NTM: variants seen among roughly 807,000 people sequenced by gnomAD.
NTM encodes neurotrimin.
A neutral mutation model predicts 42.1 loss-of-function variants in NTM; 13 were observed. That is an observed-to-expected ratio of 0.31 (90% CI 0.20 to 0.49). NTM has a LOEUF of 0.49. Among genes scored for constraint, NTM ranks in the 20% least tolerant of loss-of-function variants. The pLI, the probability that NTM is intolerant of heterozygous loss-of-function variation, is 0.99. For synonymous variants in NTM, 187 were observed against 179.2 expected (o/e 1.04, Z -0.35); for missense variants, 373 against 452.8 (o/e 0.82, Z 1.60).
chr11:132,331,678 G>GTT (rs1277082175), intron 8 of NTM, among the ~76,000 whole-genome samples: 1 of 152,196 alleles, frequency 6.6e-6, no homozygotes, highest in East Asian at 1.9e-4. Flanking sequence ...ATACAAATAA[G>GTT]TTAGGCAAAG....
chr11:131,430,311 A>T (rs1484130255), intron 1 of NTM, among the ~76,000 whole-genome samples: 1 of 152,226 alleles, frequency 6.6e-6, no homozygotes, highest in Non-Finnish European at 1.5e-5. Flanking sequence ...ACTTATCCAT[A>T]CAAAGAGTTC....
At chr11:132,136,720 T>C (rs1241358373) in intron 2 of NTM, among the ~76,000 whole-genome samples, 4 of 152,218 alleles carry the variant, frequency 2.6e-5, no homozygotes, top group Admixed American at 2.0e-4. Context: ...TAAGCTGTGA[T>C]ATTTTTTTTT....
At chr11:132,058,556 G>C (rs113384601) in intron 2 of NTM, among the ~76,000 whole-genome samples, 34 of 152,278 alleles carry the variant, frequency 2.2e-4, no homozygotes, top group African/African-American at 7.0e-4. Flanking sequence ...CTTGACATGG[G>C]CACTTGCCAT....
Position 131,659,188 on chromosome 11 carries a change from G to T in NTM, c.83-252376G>T, listed in dbSNP as rs2658821. Among the ~76,000 whole-genome samples the T allele has an allele frequency of 9.9e-4, 151 of 152,330 alleles. No individual in the cohort carries two copies. The Middle Eastern group carries it at 0.014, about 14-fold the overall frequency. On this transcript the variant is annotated intron_variant, in intron 1 of 8. Transcript: ENST00000683400. ...ACCACACATTTTTCACCAGCTCCCA[G>T]GGCAGCTGAGGCCAAGTGATCTCTT... is the stretch of plus-strand genomic sequence containing the variant.
intron 4 of NTM, among the ~76,000 whole-genome samples, chr11:132,279,066 CT>C (rs1366442409): frequency 1.3e-5 from 2 of 152,172 alleles, no homozygotes; most frequent in Non-Finnish European, 2.9e-5. Flanking sequence ...CTGTCTGCCC[CT>C]GATAGTCTTC....
intron 1 of NTM, among the ~76,000 whole-genome samples, chr11:131,517,733 T>C (rs61901921): frequency 0.022 from 3,347 of 152,310 alleles, 61 homozygotes; most frequent in Non-Finnish European, 0.033. Context: ...AAGATTCCTG[T>C]ACCTGTATTG....
At chr11:131,549,110 C>T (rs906257008) in intron 1 of NTM, among the ~76,000 whole-genome samples, 4 of 152,116 alleles carry the variant, frequency 2.6e-5, no homozygotes, top group East Asian at 1.9e-4. Flanking sequence ...TCCCCACAAG[C>T]GATATCAAGA....
intron 2 of NTM, among the ~76,000 whole-genome samples, chr11:131,918,703 T>A (rs1007459112): frequency 6.6e-6 from 1 of 152,100 alleles, no homozygotes; most frequent in Non-Finnish European, 1.5e-5. Flanking sequence ...AGAGACCCAG[T>A]GAGTTTGGTT....
At chr11:132,225,793 TGGTG>T (rs1184745182) in intron 4 of NTM, among the ~76,000 whole-genome samples, 7 of 152,324 alleles carry the variant, frequency 4.6e-5, no homozygotes, top group African/African-American at 1.7e-4. Flanking sequence ...ACATGTGCCA[TGGTG>T]GTTTGCTGAA....
chr11:131,815,269 A>C (rs76721392), intron 1 of NTM, among the ~76,000 whole-genome samples: 1 of 152,088 alleles, frequency 6.6e-6, no homozygotes, highest in East Asian at 1.9e-4. Flanking sequence ...GTCTGATAAG[A>C]GCTTACAAAG....
At chr11:131,598,922 T>TCCTTCCTTCCTG (rs2060211634) in intron 1 of NTM, among the ~76,000 whole-genome samples, 1 of 73,748 alleles carries the variant, frequency 1.4e-5, no homozygotes, top group African/African-American at 3.5e-5. Context: ...CTTCCTTCCT[T>TCCTTCCTTCCTG]CTTTCCTTTC....
intron 1 of NTM, among the ~76,000 whole-genome samples, chr11:131,623,203 A>C (rs1285586733): frequency 6.6e-6 from 1 of 152,158 alleles, no homozygotes; most frequent in African/African-American, 2.4e-5. Context: ...CTGACTTTTG[A>C]TTCTCTTGTG....
intron 1 of NTM, among the ~76,000 whole-genome samples, chr11:131,719,415 G>A (rs1188879092): frequency 6.6e-6 from 1 of 152,198 alleles, no homozygotes; most frequent in African/African-American, 2.4e-5. Context: ...TTCAAAGAGA[G>A]GGGTGAAGAT....
intron 1 of NTM, among the ~76,000 whole-genome samples, chr11:131,563,250 A>C (rs1328328785): frequency 1.3e-5 from 2 of 152,236 alleles, no homozygotes; most frequent in African/African-American, 4.8e-5. Context: ...CCTTAGCTCC[A>C]ATTTTGCTTC....
chr11:131,727,039 C>G (rs887456841), intron 1 of NTM, among the ~76,000 whole-genome samples: 9 of 151,370 alleles, frequency 5.9e-5, no homozygotes, highest in Non-Finnish European at 1.3e-4. Context: ...CAGGCTGCAG[C>G]CCCTAACCCC....
At chr11:132,043,751 T>C (rs2077514050) in intron 2 of NTM, among the ~76,000 whole-genome samples, 1 of 152,182 alleles carries the variant, frequency 6.6e-6, no homozygotes, top group Non-Finnish European at 1.5e-5. Flanking sequence ...GACTTACCAT[T>C]GTCGAGTAGT....
intron 1 of NTM, chr11:131,534,702 C>T (rs749161848): frequency 3.3e-5 from 5 of 152,240 alleles, no homozygotes; most frequent in Admixed American, 6.5e-5. Context: ...CTAACCGTCA[C>T]ATTGATTTCC....
chr11:132,156,047 G>A (rs372273186), intron 3 of NTM, among the ~76,000 whole-genome samples: 1 of 152,100 alleles, frequency 6.6e-6, no homozygotes, highest in East Asian at 1.9e-4. Flanking sequence ...TTCAGCTCCC[G>A]ACTGTTAGAA....
At chr11:131,655,700 G>A (rs564467970) in intron 1 of NTM, among the ~76,000 whole-genome samples, 4 of 152,342 alleles carry the variant, frequency 2.6e-5, no homozygotes, top group Non-Finnish European at 4.4e-5. Context: ...TCCCCTAGAT[G>A]TTTAGCACAT....
Sources: gnomAD v4.1 joint callset for allele counts (sites outside exome capture counted in the v4.1 genomes callset) on GRCh38, gnomAD v4.1.1 for gene constraint, MANE v1.5 for transcripts, NCBI Gene and HGNC (gene_info 2026-07-23, HGNC 2026-07-21) for gene names.